The following ALKBH1 variants were observed in gnomAD, a reference collection of about 807,000 sequenced individuals.
ALKBH1 encodes the protein nucleic acid dioxygenase ALKBH1.
ALKBH1 carries 31 observed loss-of-function variants against 36.6 expected under a neutral mutation model. The observed-to-expected ratio is 0.85, with a 90% CI of 0.64 to 1.14. The LOEUF (loss-of-function observed/expected upper bound fraction) is 1.14. ALKBH1 is among the 50% of genes most tolerant of loss of function. The pLI is 0.00. For synonymous variants in ALKBH1, 183 were observed against 186.6 expected, an observed-to-expected ratio of 0.98 and a Z score of 0.16; for missense variants, 490 against 497.3, an observed-to-expected ratio of 0.99 and a Z score of 0.14.
intron 1 of ALKBH1, 65 bp from the exon 2 acceptor site, chr14:77,704,542 A>C: frequency 8.2e-7 from 1 of 1,215,510 alleles, no homozygotes; most frequent in Admixed American, 1.7e-5. Context: ...CGGGAACCTC[A>C]AACCTCCAAA....
intron 1 of ALKBH1, 67 bp from the exon 2 acceptor site, chr14:77,704,544 A>T: frequency 8.3e-7 from 1 of 1,198,450 alleles, no homozygotes; most frequent in Non-Finnish European, 1.2e-6. Context: ...GGAACCTCAA[A>T]CCTCCAAACA....
At chr14:77,688,168 T>C (rs764532129) in intron 3 of ALKBH1, among the ~76,000 whole-genome samples, 1 of 152,218 alleles carries the variant, frequency 6.6e-6, no homozygotes, top group African/African-American at 2.4e-5. Flanking sequence ...TCACTTTTTA[T>C]AATTGCTTGG....
rs914907077 is a variant in ALKBH1 at position 77,672,547 on chromosome 14, G to C, written c.*1265C>G. On this transcript the variant is annotated 3_prime_UTR_variant, in exon 6 of 6. Transcript: ENST00000216489. ...TTAATAACATGCATTGCAAACAGTA[G>C]GTACCAAATGGGCTTCCAGCCAGTC... 3.9e-5 allele frequency: 6 copies of C among 152,168 alleles called. No homozygotes were observed. Among genetic ancestry groups the C allele is most frequent in the African/African-American group, 1.4e-4 (6 of 41,438 alleles). The allele number at this position is 152,168 out of a possible 1,614,324, so 9.4% of individuals were successfully genotyped here. A position where few individuals can be genotyped will look rare whatever the true frequency, so the allele number is the denominator to read the frequency against.
At position 77,694,840 on chromosome 14, in the gene ALKBH1, C is replaced by T. The variant is rs2080318333; in HGVS notation, c.353G>A (p.Cys118Tyr). The T allele has an allele frequency of 1.9e-6, 3 of 1,606,104 alleles. No individual in the cohort carries two copies. In the African/African-American group the frequency reaches 4.0e-5, roughly 21 times the overall value. Reference sequence around the variant, plus strand: ...AGGTTTCTGGGAATATAACTTAAGGCACTGTTTCACCCAGTGCCACTGGTA... The same window carrying T: ...AGGTTTCTGGGAATATAACTTAAGGTACTGTTTCACCCAGTGCCACTGGTA... ...PGYQWHWVKQ[C>Y]LKLYSQKPNV... The change falls in exon 3 of 6, where the codon TGC becomes TAC. Residue 118 changes from cysteine (C) to tyrosine (Y), a missense_variant. Transcript: ENST00000216489.
At chr14:77,707,078 CTATT>C (rs993271227) in intron 1 of ALKBH1, among the ~76,000 whole-genome samples, 4 of 152,170 alleles carry the variant, frequency 2.6e-5, no homozygotes, top group Non-Finnish European at 5.9e-5. Flanking sequence ...TTTAAAAAAT[CTATT>C]TACTTGAGAA....
rs539710088 is a variant in ALKBH1, at chr14:77,672,431, A to G, written c.*1381T>C. ...AGAGATAAATCCATAATTTTTATTC[A>G]TTTAAAAACCCTGCTATTACCATAT... is the stretch of plus-strand genomic sequence containing the variant. On this transcript the variant is annotated 3_prime_UTR_variant, in exon 6 of 6. Coordinates refer to ENST00000216489, the MANE Select transcript of ALKBH1 (RefSeq NM_006020.3). The G allele has an allele frequency of 7.2e-5, 11 of 152,328 alleles. No individual in the cohort carries two copies. The highest frequency in any genetic ancestry group is 2.4e-4 in the African/African-American group (10 of 41,564). 9.4% of individuals were successfully genotyped at this position (152,328 alleles called of 1,614,324 possible).
chr14:77,683,170 T>A, intron 3 of ALKBH1: 1 of 453,000 alleles, frequency 2.2e-6, no homozygotes, highest in Non-Finnish European at 4.0e-6. Flanking sequence ...TTTTTTTTTT[T>A]TACAAACAGT....
At chr14:77,700,134 G>A (rs1566817445) in intron 2 of ALKBH1, among the ~76,000 whole-genome samples, 1 of 151,984 alleles carries the variant, frequency 6.6e-6, no homozygotes, top group African/African-American at 2.4e-5. Flanking sequence ...ATCATCAATG[G>A]TCCACTATCA....
rs1301121961 is a variant in ALKBH1 at position 77,673,036 on chromosome 14, T to C, written c.*776A>G. 3 of 152,008 alleles carry C rather than the reference T, an allele frequency of 2.0e-5. No individual in the cohort carries two copies. Among genetic ancestry groups the C allele is most frequent in the Admixed American group, 6.6e-5 (1 of 15,264 alleles). 9.4% of individuals were successfully genotyped at this position (152,008 alleles called of 1,614,324 possible). A position where few individuals can be genotyped will look rare whatever the true frequency, so the allele number is the denominator to read the frequency against. On this transcript the variant is annotated 3_prime_UTR_variant, in exon 6 of 6. Transcript: ENST00000216489. ...AGATAGACTAAACCCCAAAGACAGATATAGATCTTTAATTTAAAATCAAGT... is the reference window on the plus strand; with the variant it reads ...AGATAGACTAAACCCCAAAGACAGACATAGATCTTTAATTTAAAATCAAGT...
At chr14:77,682,205 T>C (rs977069545) in intron 3 of ALKBH1, among the ~76,000 whole-genome samples, 5 of 152,172 alleles carry the variant, frequency 3.3e-5, no homozygotes, top group African/African-American at 9.7e-5. Context: ...TTTTTGTGCA[T>C]AAAAACTGAA....
chr14:77,701,631 T>C (rs1481142901), intron 2 of ALKBH1, among the ~76,000 whole-genome samples: 1 of 152,200 alleles, frequency 6.6e-6, no homozygotes, highest in Non-Finnish European at 1.5e-5. Context: ...TATACTCAGC[T>C]TCCTTCAGAT....
rs2080268820 is a variant in ALKBH1, at chr14:77,686,449, G to A, written c.456-6479C>T. Reference sequence around the variant, plus strand: ...AAGCAAACATGACCCTAATTATTGGGTCTCACTAAAAAAGAAACATGCTAT... The same window carrying A: ...AAGCAAACATGACCCTAATTATTGGATCTCACTAAAAAAGAAACATGCTAT... On this transcript the variant is annotated intron_variant, in intron 3 of 5. Coordinates refer to ENST00000216489, the MANE Select transcript of ALKBH1 (RefSeq NM_006020.3). 2.0e-5 allele frequency among the ~76,000 whole-genome samples: 3 copies of A among 152,166 alleles called. 1 individual carries two copies. In the East Asian group the frequency reaches 5.8e-4, roughly 29 times the overall value.
intron 3 of ALKBH1, among the ~76,000 whole-genome samples, chr14:77,691,297 T>C (rs1329549951): frequency 1.3e-5 from 2 of 152,226 alleles, no homozygotes; most frequent in Non-Finnish European, 2.9e-5. Flanking sequence ...CTTCCCTGAC[T>C]ATAGAATTCT....
chr14:77,702,021 G>A (rs1365848391), intron 2 of ALKBH1, among the ~76,000 whole-genome samples: 2 of 152,248 alleles, frequency 1.3e-5, no homozygotes, highest in Non-Finnish European at 1.5e-5. Flanking sequence ...ACTAGAGGCC[G>A]GGCGTGGTGG....
chr14:77,706,994 A>G (rs1471680481), intron 1 of ALKBH1, among the ~76,000 whole-genome samples: 1 of 152,236 alleles, frequency 6.6e-6, no homozygotes, highest in Non-Finnish European at 1.5e-5. Flanking sequence ...GTAAAGAAAG[A>G]AAATATAAAT....
chr14:77,695,215 G>A (rs761391342), intron 2 of ALKBH1, among the ~76,000 whole-genome samples: 9 of 152,132 alleles, frequency 5.9e-5, no homozygotes, highest in South Asian at 2.1e-4. Context: ...AGAGTCATCC[G>A]AGACTTCTTT....
At chr14:77,678,053 G>A (rs1249586712) in intron 4 of ALKBH1, among the ~76,000 whole-genome samples, 1 of 58,978 alleles carries the variant, frequency 1.7e-5, no homozygotes, top group East Asian at 4.3e-4. Context: ...GAGGTCTTGG[G>A]GAATAACAAT....
rs1445013882 is a variant in ALKBH1, at chr14:77,707,816, C to T, written c.183+6G>A. On this transcript the variant is annotated splice_donor_region_variant and intron_variant, in intron 1 of 5. Coordinates refer to ENST00000216489, the MANE Select transcript of ALKBH1 (RefSeq NM_006020.3). ...GGAGAGACGCGCGCCACTCCTCTCT[C>T]TGTACCTTTTGGGCACCAGGACCCT... The T allele has an allele frequency of 6.2e-7, 1 of 1,600,762 alleles. No individual in the cohort carries two copies.
At chr14:77,706,106 C>CACAT (rs141205240) in intron 1 of ALKBH1, among the ~76,000 whole-genome samples, 4 of 150,700 alleles carry the variant, frequency 2.7e-5, no homozygotes, top group Admixed American at 1.3e-4. Context: ...TACACACACA[C>CACAT]ATATATATAT....
Sources: allele counts gnomAD v4.1 joint callset (sites outside exome capture counted in the v4.1 genomes callset), GRCh38; gene constraint gnomAD v4.1.1; transcripts MANE v1.5; gene names NCBI Gene and HGNC (gene_info 2026-07-23, HGNC 2026-07-21).